Variants in ESR1 observed in about 807,000 individuals in gnomAD.
ESR1 encodes estrogen receptor.
ESR1 carries 12 observed loss-of-function variants against 52.7 expected under a neutral mutation model. The ratio of observed to expected loss-of-function variants is 0.23; its 90% CI spans 0.15 to 0.37. ESR1 has a LOEUF of 0.37. Ranked by LOEUF, ESR1 falls within the 10% of genes least tolerant of loss-of-function variation. ESR1 has a pLI of 1.00. For synonymous variants in ESR1, 305 were observed against 316.8 expected, an observed-to-expected ratio of 0.96 and a Z score of 0.39; for missense variants, 584 against 779.7, an observed-to-expected ratio of 0.75 and a Z score of 2.99.
At chr6:151,822,159 G>GA (rs949995047) in intron 1 of ESR1, among the ~76,000 whole-genome samples, 4 of 152,058 alleles carry the variant, frequency 2.6e-5, no homozygotes, top group African/African-American at 9.7e-5. Flanking sequence ...AAGGAGATAT[G>GA]AAAAAATCTT....
intron 6 of ESR1, among the ~76,000 whole-genome samples, chr6:152,119,711 C>T (rs1274007203): frequency 6.6e-6 from 1 of 152,224 alleles, no homozygotes; most frequent in Non-Finnish European, 1.5e-5. Flanking sequence ...CTTTTATCTC[C>T]TTACTATTCT....
chr6:151,970,712 C>T (rs778817436), intron 4 of ESR1, among the ~76,000 whole-genome samples: 2 of 152,192 alleles, frequency 1.3e-5, no homozygotes, highest in Admixed American at 1.3e-4. Flanking sequence ...AGCCTCTTCT[C>T]GGTTTAGCAC....
intron 3 of ESR1, among the ~76,000 whole-genome samples, chr6:151,894,651 C>T (rs975700376): frequency 6.6e-5 from 10 of 152,002 alleles, no homozygotes; most frequent in African/African-American, 2.4e-4. Flanking sequence ...GGTGTCCTTT[C>T]CCCACTTTAT....
In ESR1 at chr6:151,966,146, G is replaced by T. The variant is rs187607423; in HGVS notation, c.1096+21638G>T. Among the ~76,000 whole-genome samples the T allele has an allele frequency of 2.6e-5, 4 of 152,204 alleles. No homozygotes were observed. In the East Asian group the frequency reaches 7.7e-4, roughly 29 times the overall value. On this transcript the variant is annotated intron_variant, in intron 4 of 7. Coordinates refer to ENST00000206249, the MANE Select transcript of ESR1 (RefSeq NM_000125.4). The stretch of plus-strand genomic sequence containing the variant: ...AAATTTGCTTTCACATTTGCTAATA[G>T]TTTGACAGAGTATCAAATTCTGCTT...
chr6:151,782,810 G>C (rs1443311879), intron 2 of ESR1, among the ~76,000 whole-genome samples: 1 of 152,102 alleles, frequency 6.6e-6, no homozygotes, highest in Non-Finnish European at 1.5e-5. Flanking sequence ...TAAATCAAAG[G>C]CAACTGAAAC....
At chr6:151,910,277 A>G (rs1798072086) in intron 3 of ESR1, among the ~76,000 whole-genome samples, 1 of 152,128 alleles carries the variant, frequency 6.6e-6, no homozygotes, top group African/African-American at 2.4e-5. Flanking sequence ...AAGTAGCAAC[A>G]TGTGGCTGGT....
chr6:151,988,774 G>A (rs1039125773), intron 4 of ESR1, among the ~76,000 whole-genome samples: 4 of 151,870 alleles, frequency 2.6e-5, no homozygotes, highest in African/African-American at 9.7e-5. Context: ...TTGCATCGGA[G>A]TTATATTTGT....
intron 5 of ESR1, among the ~76,000 whole-genome samples, chr6:152,030,497 G>A (rs1479188528): frequency 6.6e-6 from 1 of 152,110 alleles, no homozygotes; most frequent in Non-Finnish European, 1.5e-5. Flanking sequence ...CCTAGTCTCT[G>A]TTAAAACAGA....
At chr6:151,927,305 T>C (rs2032903351) in intron 3 of ESR1, among the ~76,000 whole-genome samples, 1 of 152,206 alleles carries the variant, frequency 6.6e-6, no homozygotes, top group Admixed American at 6.5e-5. Context: ...CTAGTTTTAC[T>C]TTCTTATAAT....
intron 4 of ESR1, among the ~76,000 whole-genome samples, chr6:151,964,527 C>T (rs2038035659): frequency 6.6e-6 from 1 of 151,968 alleles, no homozygotes; most frequent in Admixed American, 6.6e-5. Context: ...TTGTATGCTT[C>T]AACTTTACTG....
chr6:151,890,029 G>A (rs1794466302), intron 3 of ESR1, among the ~76,000 whole-genome samples: 1 of 150,684 alleles, frequency 6.6e-6, no homozygotes, highest in Admixed American at 6.6e-5. Context: ...TGGTGTCAAT[G>A]TTCTTAAATT....
intron 3 of ESR1, among the ~76,000 whole-genome samples, chr6:151,925,749 G>A (rs1001016847): frequency 2.0e-5 from 3 of 151,986 alleles, no homozygotes; most frequent in South Asian, 4.2e-4. Context: ...CTCCCAGTTT[G>A]TGGCTTATCT....
intron 4 of ESR1, among the ~76,000 whole-genome samples, chr6:151,951,903 C>A (rs1369323982): frequency 6.6e-6 from 1 of 152,228 alleles, no homozygotes; most frequent in Non-Finnish European, 1.5e-5. Context: ...ACAGTGGAAT[C>A]ATCTGTGTGC....
intron 4 of ESR1, among the ~76,000 whole-genome samples, chr6:151,944,754 A>G (rs1045268726): frequency 9.2e-5 from 14 of 152,220 alleles, no homozygotes; most frequent in African/African-American, 2.7e-4. Flanking sequence ...TTTTTAACCC[A>G]TCTCATTTAC....
chr6:151,704,872 T>A (rs556059308), intron 2 of ESR1, among the ~76,000 whole-genome samples: 44 of 151,876 alleles, frequency 2.9e-4, no homozygotes, highest in African/African-American at 9.9e-4. Flanking sequence ...CTTAGGACAA[T>A]AACTCAAGGT....
intron 3 of ESR1, among the ~76,000 whole-genome samples, chr6:151,893,949 G>T (rs1795073677): frequency 6.6e-6 from 1 of 152,136 alleles, no homozygotes; most frequent in African/African-American, 2.4e-5. Flanking sequence ...AGGAGTGAGG[G>T]ATCAAGCAAG....
At chr6:151,885,206 T>C (rs2128345532) in intron 3 of ESR1, among the ~76,000 whole-genome samples, 1 of 152,256 alleles carries the variant, frequency 6.6e-6, no homozygotes, top group African/African-American at 2.4e-5. Context: ...AAGATTGTAG[T>C]CCCTTCCCTC....
intron 3 of ESR1, among the ~76,000 whole-genome samples, chr6:151,889,906 C>T (rs1305983134): frequency 6.6e-6 from 1 of 151,904 alleles, no homozygotes; most frequent in East Asian, 1.9e-4. Flanking sequence ...TTCTTTGACC[C>T]ACTGGTTGGT....
At chr6:151,948,054 T>C (rs991417170) in intron 4 of ESR1, among the ~76,000 whole-genome samples, 7 of 152,192 alleles carry the variant, frequency 4.6e-5, no homozygotes, top group Non-Finnish European at 8.8e-5. Context: ...ATTTTACACA[T>C]GGTGAAACTA....
Sources: gnomAD v4.1 joint callset for allele counts (sites outside exome capture counted in the v4.1 genomes callset) on GRCh38, gnomAD v4.1.1 for gene constraint, MANE v1.5 for transcripts, NCBI Gene and HGNC (gene_info 2026-07-23, HGNC 2026-07-21) for gene names.